Variants in PTPN13 observed in about 807,000 individuals in gnomAD.
The protein encoded by PTPN13 is tyrosine-protein phosphatase non-receptor type 13.
Under a neutral mutation model 284.0 loss-of-function variants are expected in PTPN13, and 191 were observed. That is an observed-to-expected ratio of 0.67 (90% CI 0.60 to 0.76). The LOEUF is 0.76. Among genes scored for constraint, PTPN13 ranks in the 30% least tolerant of loss-of-function variants. The pLI is 0.00. For missense variants in PTPN13, 2,797 were observed against 2,939.9 expected (o/e 0.95, Z 1.12); for synonymous variants, 986 against 1,022.3 (o/e 0.96, Z 0.68).
chr4:86,727,884 C>T (rs963489461), intron 10 of PTPN13, among the ~76,000 whole-genome samples: 5 of 149,316 alleles, frequency 3.3e-5, no homozygotes, highest in Admixed American at 1.3e-4. Context: ...TCTTGCTTCT[C>T]TAGTTCTTTT....
chr4:86,649,374 G>A (rs539067913), intron 2 of PTPN13, among the ~76,000 whole-genome samples: 1 of 152,244 alleles, frequency 6.6e-6, no homozygotes, highest in African/African-American at 2.4e-5. Flanking sequence ...TTAGATTTAA[G>A]TCTTTAATCT....
chr4:86,660,047 C>A (rs756140879), intron 2 of PTPN13, among the ~76,000 whole-genome samples: 2 of 152,004 alleles, frequency 1.3e-5, no homozygotes, highest in Non-Finnish European at 2.9e-5. Context: ...CAAGAAGGAA[C>A]AATAAGCAAA....
At chr4:86,726,453 A>G (rs1171261551) in intron 10 of PTPN13, among the ~76,000 whole-genome samples, 1 of 149,476 alleles carries the variant, frequency 6.7e-6, no homozygotes, top group Non-Finnish European at 1.5e-5. Context: ...ATCCGTGAGC[A>G]TGGAATTTTC....
chr4:86,607,109 C>A (rs1764832075), intron 1 of PTPN13, among the ~76,000 whole-genome samples: 1 of 151,714 alleles, frequency 6.6e-6, no homozygotes, highest in African/African-American at 2.4e-5. Flanking sequence ...GTGCTATAAA[C>A]AGCAAAATTC....
chr4:86,810,261 A>G (rs1361266651), intron 46 of PTPN13, among the ~76,000 whole-genome samples: 1 of 152,032 alleles, frequency 6.6e-6, no homozygotes, highest in Non-Finnish European at 1.5e-5. Flanking sequence ...GCAGTATTTC[A>G]TTTTACCCTT....
chr4:86,793,067 T>C (rs1002409053), intron 40 of PTPN13, among the ~76,000 whole-genome samples: 1 of 152,100 alleles, frequency 6.6e-6, no homozygotes, highest in Admixed American at 6.6e-5. Context: ...AGACTGGCAA[T>C]TGGATAAAGA....
chr4:86,705,659 G>A (rs1048776813), intron 7 of PTPN13, among the ~76,000 whole-genome samples: 1 of 152,038 alleles, frequency 6.6e-6, no homozygotes, highest in Admixed American at 6.5e-5. Context: ...AATTAGAAGA[G>A]GTCTTAGAGC....
intron 15 of PTPN13, among the ~76,000 whole-genome samples, chr4:86,737,614 G>T (rs551552106): frequency 6.7e-6 from 1 of 149,958 alleles, no homozygotes; most frequent in East Asian, 1.9e-4. Context: ...CCCCCTACCT[G>T]TAATCCTTAG....
intron 16 of PTPN13, among the ~76,000 whole-genome samples, chr4:86,743,715 T>C (rs936516744): frequency 6.6e-6 from 1 of 152,198 alleles, no homozygotes; most frequent in Admixed American, 6.5e-5. Flanking sequence ...GAAAAGTCCA[T>C]TGAAAAATTT....
Position 86,805,620 on chromosome 4 carries a change from A to G in PTPN13, c.6745+251A>G, listed in dbSNP as rs563030061. Among the ~76,000 whole-genome samples the G allele has an allele frequency of 9.1e-4, 139 of 152,350 alleles. 1 individual carries two copies. The highest frequency in any genetic ancestry group is 6.8e-3 in the Middle Eastern group (2 of 294). On this transcript the variant is annotated intron_variant, in intron 44 of 47. Coordinates refer to ENST00000411767, the MANE Select transcript of PTPN13 (RefSeq NM_080683.3). ...TATTCCTGAATTTTTACTAGTATAC[A>G]GTATTAGAAATTAGTCGGTGATGCC... is the stretch of plus-strand genomic sequence containing the variant.
At chr4:86,772,746 T>A (rs1486692268) in intron 31 of PTPN13, 32 bp from the exon 32 acceptor site, 5 of 1,539,968 alleles carry the variant, frequency 3.2e-6, no homozygotes, top group Non-Finnish European at 4.4e-6. Flanking sequence ...TGAAATGTAT[T>A]TAAAAATAGT....
chr4:86,700,212 T>G (rs1731002156), intron 6 of PTPN13, among the ~76,000 whole-genome samples: 1 of 152,152 alleles, frequency 6.6e-6, no homozygotes, highest in South Asian at 2.1e-4. Context: ...TTTAAATAAA[T>G]TAACAAGCAA....
chr4:86,691,655 A>G (rs955331243), intron 5 of PTPN13, among the ~76,000 whole-genome samples: 1 of 152,210 alleles, frequency 6.6e-6, no homozygotes, highest in Non-Finnish European at 1.5e-5. Context: ...AGATACTTTT[A>G]TCCTCATTTT....
intron 37 of PTPN13, among the ~76,000 whole-genome samples, chr4:86,783,981 T>C (rs1413859977): frequency 6.6e-6 from 1 of 152,062 alleles, no homozygotes; most frequent in Non-Finnish European, 1.5e-5. Context: ...GGTCACTAAA[T>C]TGGAGACTAT....
chr4:86,759,533 C>T (rs1315957018), intron 23 of PTPN13, among the ~76,000 whole-genome samples: 2 of 152,138 alleles, frequency 1.3e-5, no homozygotes, highest in Admixed American at 6.6e-5. Flanking sequence ...TGATCTTTGC[C>T]CTGCTTTGTC....
chr4:86,781,045 G>T (rs1565563597), intron 36 of PTPN13, among the ~76,000 whole-genome samples: 1 of 152,096 alleles, frequency 6.6e-6, no homozygotes, highest in Non-Finnish European at 1.5e-5. Flanking sequence ...AACCGGTGGT[G>T]TATTATTGGT....
intron 40 of PTPN13, among the ~76,000 whole-genome samples, chr4:86,791,018 G>A (rs1011957468): frequency 6.6e-6 from 1 of 152,116 alleles, no homozygotes; most frequent in Non-Finnish European, 1.5e-5. Flanking sequence ...CCTACAGAGG[G>A]TGGGCTGAAG....
chr4:86,729,337 G>A lies in PTPN13; in HGVS notation c.1609-3063G>A, dbSNP rs528950264. On this transcript the variant is annotated intron_variant, in intron 10 of 47. Coordinates refer to ENST00000411767, the MANE Select transcript of PTPN13 (RefSeq NM_080683.3). ...TGTGTCTTGGGATTGTTCTTCTCAA[G>A]GAGTATCTTTGTGGTGTTCTCTTTA... is the stretch of plus-strand genomic sequence containing the variant. Among the ~76,000 whole-genome samples, 20 of 149,282 alleles carry A rather than the reference G, an allele frequency of 1.3e-4. 4 individuals carry two copies. The highest frequency in any genetic ancestry group is 3.9e-4 in the African/African-American group (16 of 40,986).
chr4:86,661,426 G>C (rs1726472699), intron 2 of PTPN13, among the ~76,000 whole-genome samples: 1 of 152,086 alleles, frequency 6.6e-6, no homozygotes, highest in Admixed American at 6.5e-5. Context: ...CTTTCTTGGG[G>C]TGATGTGTGT....
Sources: gnomAD v4.1 joint callset for allele counts (sites outside exome capture counted in the v4.1 genomes callset) on GRCh38, gnomAD v4.1.1 for gene constraint, MANE v1.5 for transcripts, NCBI Gene and HGNC (gene_info 2026-07-23, HGNC 2026-07-21) for gene names.